GPC6: variants seen among roughly 807,000 people sequenced by gnomAD.
GPC6 encodes glypican 6.
A neutral mutation model predicts 55.2 loss-of-function variants in GPC6; 14 were observed. The observed-to-expected ratio is 0.25, with a 90% CI of 0.17 to 0.40. The LOEUF (loss-of-function observed/expected upper bound fraction) is 0.40. GPC6 is among the 10% of genes least tolerant of loss of function. The pLI, the probability that GPC6 is intolerant of heterozygous loss-of-function variation, is 1.00. For synonymous variants in GPC6, 278 were observed against 259.6 expected (o/e 1.07, Z -0.68); for missense variants, 641 against 708.5 (o/e 0.90, Z 1.08).
chr13:94,386,972 A>G (rs1020721567), intron 7 of GPC6, among the ~76,000 whole-genome samples: 5 of 152,196 alleles, frequency 3.3e-5, no homozygotes, highest in Non-Finnish European at 7.3e-5. Context: ...CTGACATCAA[A>G]ATGACTCTTA....
rs1879881138 is a variant in GPC6, at chr13:93,489,675, G to T, written c.161-55588G>T. Among the ~76,000 whole-genome samples, 3 of 150,930 alleles carry T rather than the reference G, an allele frequency of 2.0e-5. No homozygotes were observed. In the South Asian group the frequency reaches 6.3e-4, roughly 32 times the overall value. ...GCAGTGGTTTGTAGTTCTCCTTGAA[G>T]AGGTCCTTCACGTCCCTTGTAAGTT... On this transcript the variant is annotated intron_variant, in intron 1 of 8. Coordinates refer to ENST00000377047, the MANE Select transcript of GPC6 (RefSeq NM_005708.5).
intron 4 of GPC6, among the ~76,000 whole-genome samples, chr13:94,252,773 A>G (rs1466434621): frequency 6.6e-6 from 1 of 152,108 alleles, no homozygotes; most frequent in Non-Finnish European, 1.5e-5. Context: ...TCCAAAAGCC[A>G]TAAATGATAG....
At chr13:93,864,011 G>A (rs1202312660) in intron 3 of GPC6, among the ~76,000 whole-genome samples, 7 of 151,718 alleles carry the variant, frequency 4.6e-5, no homozygotes, top group Middle Eastern at 3.4e-3. Flanking sequence ...CCTTTGTAGG[G>A]AACACTCTTA....
chr13:93,886,765 T>G (rs549531297), intron 3 of GPC6, among the ~76,000 whole-genome samples: 90 of 151,920 alleles, frequency 5.9e-4, no homozygotes, highest in African/African-American at 2.0e-3. Flanking sequence ...TTTTTGTTTT[T>G]TTTTTTTTCA....
chr13:94,013,679 GA>G (rs1311485372), intron 3 of GPC6, among the ~76,000 whole-genome samples: 1 of 152,184 alleles, frequency 6.6e-6, no homozygotes, highest in African/African-American at 2.4e-5. Context: ...ATTAAATATA[GA>G]AACTGAATCT....
At chr13:93,233,396 T>G (rs1305625234) in intron 1 of GPC6, among the ~76,000 whole-genome samples, 2 of 152,168 alleles carry the variant, frequency 1.3e-5, no homozygotes, top group African/African-American at 4.8e-5. Context: ...ATTCAGGTTA[T>G]TGGGTATTTT....
At chr13:94,395,206 T>C (rs1880844918) in intron 7 of GPC6, among the ~76,000 whole-genome samples, 1 of 152,190 alleles carries the variant, frequency 6.6e-6, no homozygotes, top group African/African-American at 2.4e-5. Flanking sequence ...TCCAATGGCA[T>C]ATTTTAGAAG....
intron 2 of GPC6, among the ~76,000 whole-genome samples, chr13:93,824,699 C>A (rs542464438): frequency 6.6e-6 from 1 of 151,846 alleles, no homozygotes; most frequent in Admixed American, 6.6e-5. Context: ...TAAGAATTTG[C>A]AAGATGACAA....
At chr13:93,629,266 G>C (rs1890705585) in intron 2 of GPC6, among the ~76,000 whole-genome samples, 1 of 152,142 alleles carries the variant, frequency 6.6e-6, no homozygotes, top group Non-Finnish European at 1.5e-5. Flanking sequence ...TGGACATTTT[G>C]AGATGTCCTA....
chr13:93,609,212 TTTGTTG>T (rs973910823), intron 2 of GPC6, among the ~76,000 whole-genome samples: 3 of 152,026 alleles, frequency 2.0e-5, no homozygotes, highest in Admixed American at 2.0e-4. Flanking sequence ...CTAACCTGAC[TTTGTTG>T]TTGTTGTTGT....
intron 7 of GPC6, among the ~76,000 whole-genome samples, chr13:94,388,194 A>T (rs1393007909): frequency 6.6e-6 from 1 of 152,238 alleles, no homozygotes; most frequent in Non-Finnish European, 1.5e-5. Flanking sequence ...TGTCCCTATT[A>T]ACATGTAAGA....
intron 1 of GPC6, among the ~76,000 whole-genome samples, chr13:93,482,394 T>C (rs11620291): frequency 0.16 from 23,810 of 152,128 alleles, 2,396 homozygotes; most frequent in Middle Eastern, 0.26. Flanking sequence ...TCTGAGGGTC[T>C]AATTAAAAAC....
intron 1 of GPC6, among the ~76,000 whole-genome samples, chr13:93,390,616 G>A (rs1875588710): frequency 1.3e-5 from 2 of 151,996 alleles, no homozygotes; most frequent in South Asian, 4.1e-4. Context: ...TTCCATTTCT[G>A]GGGTGTCTGC....
At chr13:93,421,200 G>A (rs955587640) in intron 1 of GPC6, among the ~76,000 whole-genome samples, 12 of 152,058 alleles carry the variant, frequency 7.9e-5, no homozygotes, top group Admixed American at 3.3e-4. Flanking sequence ...TGGAGAGAGA[G>A]AAAGAGATAA....
At chr13:94,043,417 T>G (rs1883611389) in intron 4 of GPC6, among the ~76,000 whole-genome samples, 1 of 151,922 alleles carries the variant, frequency 6.6e-6, no homozygotes, top group Admixed American at 6.6e-5. Flanking sequence ...GTTTCAAAAA[T>G]AGTACCAAAT....
Position 93,549,982 on chromosome 13 carries a change from T to G in GPC6, c.319+4561T>G, listed in dbSNP as rs1235780169. 2.6e-5 allele frequency among the ~76,000 whole-genome samples: 4 copies of G among 152,312 alleles called. No homozygotes were observed. In the East Asian group the frequency reaches 5.8e-4, roughly 22 times the overall value. ...TCTATTTCTTTTGAATGGATACTGT[T>G]GAAAAATTATTGATATTTCTTTAAA... On this transcript the variant is annotated intron_variant, in intron 2 of 8. Transcript: ENST00000377047.
intron 7 of GPC6, among the ~76,000 whole-genome samples, chr13:94,394,655 A>G (rs2139223418): frequency 6.6e-6 from 1 of 152,284 alleles, no homozygotes; most frequent in African/African-American, 2.4e-5. Flanking sequence ...ACATCTATAG[A>G]TTTAGATTCA....
the GPC6 span, among the ~76,000 whole-genome samples, chr13:93,220,560 A>C: frequency 6.6e-6 from 1 of 152,224 alleles, no homozygotes; most frequent in African/African-American, 2.4e-5. Context: ...ATTTGGAAAC[A>C]CTTCAAAAAT....
chr13:93,635,093 T>G (rs1431002803), intron 2 of GPC6, among the ~76,000 whole-genome samples: 1 of 152,010 alleles, frequency 6.6e-6, no homozygotes, highest in Non-Finnish European at 1.5e-5. Flanking sequence ...AAAAACGTAT[T>G]GGGTTTTCTC....
Sources: gnomAD v4.1 joint callset for allele counts (sites outside exome capture counted in the v4.1 genomes callset) on GRCh38, gnomAD v4.1.1 for gene constraint, MANE v1.5 for transcripts, NCBI Gene and HGNC (gene_info 2026-07-23, HGNC 2026-07-21) for gene names.